SLC4A4: variants seen among roughly 807,000 people sequenced by gnomAD.
SLC4A4 encodes the protein electrogenic sodium bicarbonate cotransporter 1.
Under a neutral mutation model 111.5 loss-of-function variants are expected in SLC4A4, and 27 were observed. The ratio of observed to expected loss-of-function variants is 0.24; its 90% CI spans 0.18 to 0.33. The LOEUF is 0.33. SLC4A4 is among the 10% of genes least tolerant of loss of function. SLC4A4 has a pLI of 1.00. For synonymous variants in SLC4A4, 443 were observed against 463.4 expected (o/e 0.96, Z 0.57); for missense variants, 909 against 1,315.5 (o/e 0.69, Z 4.78).
intron 3 of SLC4A4, among the ~76,000 whole-genome samples, chr4:71,266,624 T>A (rs773301281): frequency 5.9e-5 from 9 of 152,184 alleles, no homozygotes; most frequent in Non-Finnish European, 1.2e-4. Flanking sequence ...CGACTCTTTT[T>A]TTTCTGGCCA....
intron 3 of SLC4A4, among the ~76,000 whole-genome samples, chr4:71,325,641 C>T (rs1727444760): frequency 6.6e-6 from 1 of 152,000 alleles, no homozygotes; most frequent in South Asian, 2.1e-4. Context: ...TAGCAAAAGG[C>T]TGACATTTAT....
intron 7 of SLC4A4, among the ~76,000 whole-genome samples, chr4:71,436,343 G>T (rs371063362): frequency 3.5e-4 from 53 of 152,246 alleles, no homozygotes; most frequent in African/African-American, 1.2e-3. Context: ...TCACTCGTAA[G>T]TGGGAGTTGA....
intron 20 of SLC4A4, among the ~76,000 whole-genome samples, chr4:71,549,655 A>G (rs867987452): frequency 6.6e-6 from 1 of 151,870 alleles, no homozygotes; most frequent in Non-Finnish European, 1.5e-5. Flanking sequence ...TTGTGTGTAT[A>G]TGTTACAGCA....
At chr4:71,252,552 C>T (rs1721139776) in intron 2 of SLC4A4, among the ~76,000 whole-genome samples, 1 of 152,214 alleles carries the variant, frequency 6.6e-6, no homozygotes, top group Admixed American at 6.5e-5. Flanking sequence ...AATTGCTCAG[C>T]TCAGTGGCTT....
At chr4:71,285,244 G>T (rs1723822422) in intron 3 of SLC4A4, among the ~76,000 whole-genome samples, 1 of 152,162 alleles carries the variant, frequency 6.6e-6, no homozygotes, top group Non-Finnish European at 1.5e-5. Context: ...CCGTCATTTA[G>T]TCAAAAAAGG....
At chr4:71,173,189 G>T (rs775649596) in intron 2 of SLC4A4, among the ~76,000 whole-genome samples, 20 of 152,106 alleles carry the variant, frequency 1.3e-4, no homozygotes, top group Non-Finnish European at 2.9e-4. Flanking sequence ...AGATAAAAAA[G>T]AAATAAAATC....
intron 7 of SLC4A4, among the ~76,000 whole-genome samples, chr4:71,433,726 T>C (rs1723854035): frequency 6.6e-6 from 1 of 152,002 alleles, no homozygotes; most frequent in East Asian, 1.9e-4. Flanking sequence ...AGGAGGAACT[T>C]CTCTAAGACT....
At chr4:71,420,686 T>C (rs1721784484) in intron 7 of SLC4A4, among the ~76,000 whole-genome samples, 1 of 151,690 alleles carries the variant, frequency 6.6e-6, no homozygotes, top group African/African-American at 2.4e-5. Flanking sequence ...ATATTCAACA[T>C]TCTTAAAGAA....
intron 18 of SLC4A4, among the ~76,000 whole-genome samples, chr4:71,538,637 G>A (rs1343403568): frequency 6.6e-6 from 1 of 152,124 alleles, no homozygotes; most frequent in Non-Finnish European, 1.5e-5. Flanking sequence ...CTGAAACTGA[G>A]AGAGATAGAA....
chr4:71,284,590 CTATT>C (rs1192972392), intron 3 of SLC4A4, among the ~76,000 whole-genome samples: 7 of 152,106 alleles, frequency 4.6e-5, no homozygotes, highest in Admixed American at 1.3e-4. Context: ...AAGCTATATT[CTATT>C]TATTTATCTT....
At position 71,330,347 on chromosome 4, in the gene SLC4A4, C is replaced by A. The variant is rs1007707105; in HGVS notation, c.254-9023C>A. On this transcript the variant is annotated intron_variant, in intron 3 of 25. Coordinates refer to ENST00000264485, the MANE Select transcript of SLC4A4 (RefSeq NM_001098484.3). ...AATGAGTTTGGAAGTAGTCTTTCCT[C>A]CTCTATTTTTAGAAATGTTTTGGGT... 2.6e-5 allele frequency among the ~76,000 whole-genome samples: 4 copies of A among 152,066 alleles called. No individual in the cohort carries two copies. In the East Asian group the frequency reaches 7.7e-4, roughly 29 times the overall value.
Position 71,329,805 on chromosome 4 carries a change from T to C in SLC4A4, c.254-9565T>C, listed in dbSNP as rs564336238. ...TTCTTTCCAAATTGAATGCCCTTTA[T>C]TTCTTCTCTTGTTTGATTGCTCTTG... is the stretch of plus-strand genomic sequence containing the variant. On this transcript the variant is annotated intron_variant, in intron 3 of 25. Transcript: ENST00000264485. 5.3e-5 allele frequency among the ~76,000 whole-genome samples: 8 copies of C among 152,282 alleles called. No individual in the cohort carries two copies. In the South Asian group the frequency reaches 1.7e-3, roughly 32 times the overall value.
intron 22 of SLC4A4, among the ~76,000 whole-genome samples, chr4:71,559,146 C>G (rs1199846101): frequency 6.6e-6 from 1 of 151,840 alleles, no homozygotes; most frequent in Non-Finnish European, 1.5e-5. Context: ...ATTTATTTCT[C>G]TAGGTGATGA....
intron 2 of SLC4A4, among the ~76,000 whole-genome samples, chr4:71,120,503 GTC>G (rs922356923): frequency 1.3e-5 from 2 of 152,156 alleles, no homozygotes; most frequent in Admixed American, 1.3e-4. Flanking sequence ...TTTCCCTCTA[GTC>G]TCTACTTTTC....
Position 71,545,210 on chromosome 4 carries a change from GC to G in SLC4A4, c.2443-1138del, listed in dbSNP as rs1259775162. ...TTTTCTTTCTTGTACTAGCTCCCTTGCCTGTGATGAGTTCTCAGAACATGAT... is the reference window on the plus strand; with the variant it reads ...TTTTCTTTCTTGTACTAGCTCCCTTGCTGTGATGAGTTCTCAGAACATGAT... On this transcript the variant is annotated intron_variant, in intron 18 of 25. Coordinates refer to ENST00000264485, the MANE Select transcript of SLC4A4 (RefSeq NM_001098484.3). Among the ~76,000 whole-genome samples, 3 of 152,076 alleles carry G rather than the reference GC, an allele frequency of 2.0e-5. No individual in the cohort carries two copies. The East Asian group carries it at 5.8e-4, about 30-fold the overall frequency.
At chr4:71,358,990 G>A (rs1730525520) in intron 6 of SLC4A4, among the ~76,000 whole-genome samples, 1 of 152,130 alleles carries the variant, frequency 6.6e-6, no homozygotes, top group Non-Finnish European at 1.5e-5. Flanking sequence ...TTCAAATACT[G>A]CTATATTTTC....
intron 2 of SLC4A4, among the ~76,000 whole-genome samples, chr4:71,095,927 A>G (rs1316130018): frequency 6.6e-6 from 1 of 152,172 alleles, no homozygotes; most frequent in Non-Finnish European, 1.5e-5. Context: ...AAGATTCCAG[A>G]TAGAGAAGAC....
upstream of SLC4A4, chr4:71,187,248 C>G (rs1745501194): frequency 2.0e-5 from 3 of 151,568 alleles, no homozygotes; most frequent in Admixed American, 1.3e-4. Context: ...GGCCCCCCAG[C>G]CTCCAACCCC....
At position 71,421,633 on chromosome 4, in the gene SLC4A4, G is replaced by T. The variant is rs543986420; in HGVS notation, c.808-18983G>T. ...TTAAAGAACAGAAATTATAACAAAC[G>T]ATCTCTCAGACCACAATGCAATCAA... On this transcript the variant is annotated intron_variant, in intron 7 of 25. Transcript: ENST00000264485. Among the ~76,000 whole-genome samples, 11 of 152,086 alleles carry T rather than the reference G, an allele frequency of 7.2e-5. No individual in the cohort carries two copies. The South Asian group carries it at 1.7e-3, about 23-fold the overall frequency.
Sources: gnomAD v4.1 joint callset for allele counts (sites outside exome capture counted in the v4.1 genomes callset) on GRCh38, gnomAD v4.1.1 for gene constraint, MANE v1.5 for transcripts, NCBI Gene and HGNC (gene_info 2026-07-23, HGNC 2026-07-21) for gene names.